MAML3: variants seen among roughly 807,000 people sequenced by gnomAD.
The protein encoded by MAML3 is mastermind-like protein 3.
In MAML3, 27 loss-of-function variants were observed where a neutral mutation model predicts 101.9. The ratio of observed to expected loss-of-function variants is 0.27; its 90% confidence interval spans 0.20 to 0.37. The LOEUF is 0.37. Ranked by LOEUF, MAML3 falls within the 10% of genes least tolerant of loss-of-function variation. MAML3 has a pLI of 1.00. For missense variants in MAML3, 1,316 were observed against 1,444.9 expected, an observed-to-expected ratio of 0.91 and a Z score of 1.45; for synonymous variants, 501 against 555.9, an observed-to-expected ratio of 0.90 and a Z score of 1.39.
In MAML3 at chr4:139,735,043, G is replaced by A. The variant is rs939644949; in HGVS notation, c.2080-4376C>T. 6.6e-6 allele frequency among the ~76,000 whole-genome samples: 1 copy of A among 152,160 alleles called. No individual in the cohort carries two copies. The highest frequency in any genetic ancestry group is 1.5e-5 in the Non-Finnish European group (1 of 68,016). Reference sequence around the variant, plus strand: ...GCCCGCGCCCCCTCCCCTCGCAGATGGCTTAATCAGGGCTCCCGCCCGCCC... The same window carrying A: ...GCCCGCGCCCCCTCCCCTCGCAGATAGCTTAATCAGGGCTCCCGCCCGCCC... On this transcript the variant is annotated intron_variant, in intron 2 of 4. Transcript: ENST00000509479. This position sits in a 1 kb window ranked among gnomAD's most constrained non-coding sequence, Gnocchi z 5.8.
At chr4:139,873,437 C>A (rs1732052784) in intron 2 of MAML3, among the ~76,000 whole-genome samples, 1 of 152,190 alleles carries the variant, frequency 6.6e-6, no homozygotes, top group Admixed American at 6.5e-5. Context: ...ATGGTGTCCA[C>A]AAATATGTTC....
At chr4:139,875,895 G>C (rs1732105806) in intron 2 of MAML3, among the ~76,000 whole-genome samples, 1 of 104,026 alleles carries the variant, frequency 9.6e-6, no homozygotes, top group Non-Finnish European at 1.8e-5. Context: ...GCAATGTAAA[G>C]AGTAAGAGAC....
At chr4:139,856,800 T>C (rs950070737) in intron 2 of MAML3, among the ~76,000 whole-genome samples, 3 of 152,234 alleles carry the variant, frequency 2.0e-5, no homozygotes, top group Non-Finnish European at 4.4e-5. Context: ...TTTGTTATTA[T>C]TGAATAATTT....
At chr4:140,017,649 G>A (rs1340941635) in intron 1 of MAML3, among the ~76,000 whole-genome samples, 3 of 151,612 alleles carry the variant, frequency 2.0e-5, no homozygotes, top group African/African-American at 7.2e-5. Context: ...ACACAACAGA[G>A]AATCATGCTG....
chr4:140,120,083 A>G lies in MAML3; in HGVS notation c.468+32777T>C, dbSNP rs113699787. Among the ~76,000 whole-genome samples the G allele has an allele frequency of 4.6e-3, 701 of 152,050 alleles. 7 individuals are homozygous for G. Among genetic ancestry groups the G allele is most frequent in the African/African-American group, 0.016 (644 of 41,490 alleles). ...AAACCCCGTCTCTACTAAAAATACA[A>G]AAAATTAGCCGGGCGTGGTGGCGGG... On this transcript the variant is annotated intron_variant, in intron 1 of 4. Coordinates refer to ENST00000509479, the MANE Select transcript of MAML3 (RefSeq NM_018717.5).
At chr4:139,852,403 GTTTTTTTTTTTTT>G (rs67349785) in intron 2 of MAML3, among the ~76,000 whole-genome samples, 4 of 68,350 alleles carry the variant, frequency 5.9e-5, no homozygotes, top group South Asian at 6.1e-4. Context: ...TCAGAAGACT[GTTTTTTTTTTTTT>G]TTTTTTTTTT....
At chr4:140,139,306 A>G (rs1467945053) in intron 1 of MAML3, among the ~76,000 whole-genome samples, 4 of 151,688 alleles carry the variant, frequency 2.6e-5, no homozygotes, top group African/African-American at 9.7e-5. Flanking sequence ...ACAGAGTCTC[A>G]CTCTGTTGCC....
At chr4:139,908,979 A>C (rs1732869267) in intron 1 of MAML3, among the ~76,000 whole-genome samples, 1 of 152,254 alleles carries the variant, frequency 6.6e-6, no homozygotes, top group African/African-American at 2.4e-5. Flanking sequence ...CATTATGCGA[A>C]GTACGCCCTG....
At chr4:139,903,315 C>T (rs1732760999) in intron 1 of MAML3, among the ~76,000 whole-genome samples, 1 of 152,196 alleles carries the variant, frequency 6.6e-6, no homozygotes, top group African/African-American at 2.4e-5. Context: ...CATCAGTCTT[C>T]CAGGACTTTA....
chr4:139,903,534 T>C (rs1174175959), intron 1 of MAML3, among the ~76,000 whole-genome samples: 1 of 152,228 alleles, frequency 6.6e-6, no homozygotes, highest in African/African-American at 2.4e-5. Context: ...TCATGACTAA[T>C]GATCAGAGAC....
chr4:139,852,403 G>GTTTTTTTTTTTTTTGTTGTTTT (rs1731572998), intron 2 of MAML3, among the ~76,000 whole-genome samples: 4 of 68,348 alleles, frequency 5.9e-5, no homozygotes, highest in African/African-American at 2.7e-4. Context: ...TCAGAAGACT[G>GTTTTTTTTTTTTTTGTTGTTTT]TTTTTTTTTT....
intron 2 of MAML3, among the ~76,000 whole-genome samples, chr4:139,851,969 C>A (rs755220080): frequency 1.3e-5 from 2 of 152,186 alleles, no homozygotes; most frequent in Non-Finnish European, 2.9e-5. Flanking sequence ...CCAACGGGTT[C>A]TAAGACCCTG....
Position 139,717,969 on chromosome 4 carries a change from A to T in MAML3, c.*1354T>A, listed in dbSNP as rs1241480357. The T allele has an allele frequency of 1.3e-5, 2 of 152,104 alleles. No homozygotes were observed. Among genetic ancestry groups the T allele is most frequent in the African/African-American group, 4.8e-5 (2 of 41,424 alleles). The allele number at this position is 152,104 out of a possible 1,614,324, so 9.4% of individuals were successfully genotyped here. A position where few individuals can be genotyped will look rare whatever the true frequency, so the allele number is the denominator to read the frequency against. On this transcript the variant is annotated 3_prime_UTR_variant, in exon 5 of 5. Transcript: ENST00000509479. The stretch of plus-strand genomic sequence containing the variant: ...ACTTTGCCCATATGAAATAAACTAC[A>T]TCTCCTTTCTATCCAAATTTGTAAG...
intron 2 of MAML3, among the ~76,000 whole-genome samples, chr4:139,786,829 T>A (rs1348437929): frequency 2.6e-5 from 4 of 152,208 alleles, no homozygotes; most frequent in Non-Finnish European, 5.9e-5. Context: ...TTAATGCTAG[T>A]ACAGTTTCCA....
intron 3 of MAML3, among the ~76,000 whole-genome samples, chr4:139,728,254 T>C (rs1344928138): frequency 6.6e-6 from 1 of 152,094 alleles, no homozygotes; most frequent in Non-Finnish European, 1.5e-5. Context: ...ACTTACTCCT[T>C]GTAGACCTGC....
At chr4:139,915,658 T>TATCC (rs1443718871) in intron 1 of MAML3, among the ~76,000 whole-genome samples, 1 of 152,200 alleles carries the variant, frequency 6.6e-6, no homozygotes, top group Non-Finnish European at 1.5e-5. Context: ...AAGCATCCAG[T>TATCC]ATCCCTTGTA....
Position 140,009,970 on chromosome 4 carries a change from G to A in MAML3, c.469-119003C>T, listed in dbSNP as rs570568627. The stretch of plus-strand genomic sequence containing the variant: ...TGGTATAGAAAATTAAGCAACTTTG[G>A]TTATCCAGAGAAATTGTTTTCAACT... On this transcript the variant is annotated intron_variant, in intron 1 of 4. Transcript: ENST00000509479. Among the ~76,000 whole-genome samples, 43 of 152,322 alleles carry A rather than the reference G, an allele frequency of 2.8e-4. 1 individual carries two copies. Among genetic ancestry groups the A allele is most frequent in the Admixed American group, 2.2e-3 (34 of 15,302 alleles).
At chr4:139,940,792 C>T (rs1733584680) in intron 1 of MAML3, among the ~76,000 whole-genome samples, 1 of 152,146 alleles carries the variant, frequency 6.6e-6, no homozygotes, top group Non-Finnish European at 1.5e-5. Flanking sequence ...TGGCACATAC[C>T]ACCCTTCACT....
intron 2 of MAML3, among the ~76,000 whole-genome samples, chr4:139,840,440 G>T (rs1326803598): frequency 6.6e-6 from 1 of 152,142 alleles, no homozygotes; most frequent in Non-Finnish European, 1.5e-5. Context: ...ATGGGCTTTA[G>T]GGAAATGCCA....
Sources: allele counts gnomAD v4.1 joint callset (sites outside exome capture counted in the v4.1 genomes callset), GRCh38; gene constraint gnomAD v4.1.1; non-coding constraint Gnocchi (gnomAD v3.1); transcripts MANE v1.5; gene names NCBI Gene and HGNC (gene_info 2026-07-23, HGNC 2026-07-21).